HACD2: variants seen among roughly 807,000 people sequenced by gnomAD.
The protein encoded by HACD2 is very-long-chain (3R)-3-hydroxyacyl-CoA dehydratase 2.
In HACD2, 15 loss-of-function variants were observed where a neutral mutation model predicts 31.0. That is an observed-to-expected ratio of 0.48 (90% CI 0.32 to 0.75). HACD2 has a LOEUF of 0.75. Among genes scored for constraint, HACD2 ranks in the 30% least tolerant of loss-of-function variants. HACD2 has a pLI of 0.03. For missense variants in HACD2, 283 were observed against 313.0 expected (o/e 0.90, Z 0.72); for synonymous variants, 115 against 122.2 (o/e 0.94, Z 0.39).
chr3:123,539,280 C>T (rs563853307), intron 3 of HACD2, among the ~76,000 whole-genome samples: 12 of 152,064 alleles, frequency 7.9e-5, no homozygotes, highest in African/African-American at 2.2e-4. Flanking sequence ...TAATAAAAAA[C>T]ACATATGGGG....
At chr3:123,577,444 AC>A (rs2056919351) in intron 2 of HACD2, among the ~76,000 whole-genome samples, 1 of 151,836 alleles carries the variant, frequency 6.6e-6, no homozygotes, top group Non-Finnish European at 1.5e-5. Context: ...ACATGGTGAA[AC>A]CCCGTCTCTA....
rs144427430 is a variant in HACD2, at chr3:123,524,827, T to C, written c.381+3559A>G. Among the ~76,000 whole-genome samples, 36 of 152,264 alleles carry C rather than the reference T, an allele frequency of 2.4e-4. No homozygotes were observed. The East Asian group carries it at 4.8e-3, about 20-fold the overall frequency. ...AAGGGTGAGAAGGTGGCAGCTCTGA[T>C]GCAGCAGAAAGACCCTGGATTTAGA... is the stretch of plus-strand genomic sequence containing the variant. On this transcript the variant is annotated intron_variant, in intron 4 of 6. Transcript: ENST00000383657.
Position 123,491,654 on chromosome 3 carries a change from C to CA in HACD2, c.*3233_*3234insT, listed in dbSNP as rs1393461357. 1 of 152,610 alleles carries CA rather than the reference C, an allele frequency of 6.6e-6. No homozygotes were observed. Among genetic ancestry groups the CA allele is most frequent in the Non-Finnish European group, 1.5e-5 (1 of 68,030 alleles). The allele number at this position is 152,610 out of a possible 1,614,324, so 9.5% of individuals were successfully genotyped here. ...TTACTACATTATCAGGTAAAAACAG[C>CA]TTTCAAATGCATGCATAGAAAGTTA... On this transcript the variant is annotated 3_prime_UTR_variant, in exon 7 of 7. Coordinates refer to ENST00000383657, the MANE Select transcript of HACD2 (RefSeq NM_198402.5).
intron 3 of HACD2, among the ~76,000 whole-genome samples, chr3:123,563,093 C>T (rs1249051796): frequency 6.6e-6 from 1 of 152,218 alleles, no homozygotes; most frequent in Non-Finnish European, 1.5e-5. Flanking sequence ...ACTTACTGTA[C>T]TTACCAGGAT....
chr3:123,531,823 AAT>A (rs1366534717), intron 3 of HACD2, among the ~76,000 whole-genome samples: 2 of 152,156 alleles, frequency 1.3e-5, no homozygotes, highest in African/African-American at 4.8e-5. Context: ...CCTTTGAGTT[AAT>A]ATGTTTGTTT....
intron 4 of HACD2, among the ~76,000 whole-genome samples, chr3:123,515,478 T>C (rs1047965452): frequency 2.6e-5 from 4 of 152,182 alleles, no homozygotes; most frequent in African/African-American, 9.7e-5. Flanking sequence ...AAATGTGCTC[T>C]GACTCAGCTG....
intron 3 of HACD2, among the ~76,000 whole-genome samples, chr3:123,539,345 A>AG (rs1351217450): frequency 1.3e-5 from 2 of 152,080 alleles, no homozygotes; most frequent in Non-Finnish European, 2.9e-5. Context: ...CGAGGTGGGC[A>AG]GATCACTTGA....
chr3:123,508,068 G>A (rs2056001533), intron 4 of HACD2, among the ~76,000 whole-genome samples: 1 of 152,098 alleles, frequency 6.6e-6, no homozygotes, highest in South Asian at 2.1e-4. Flanking sequence ...GGGGCATTTA[G>A]GGCAAAGAGG....
intron 4 of HACD2, among the ~76,000 whole-genome samples, chr3:123,512,086 C>A (rs182021644): frequency 6.6e-6 from 1 of 152,234 alleles, no homozygotes; most frequent in Non-Finnish European, 1.5e-5. Flanking sequence ...ACCAAATAGA[C>A]CTCTTTTCTT....
intron 3 of HACD2, among the ~76,000 whole-genome samples, chr3:123,563,567 G>A (rs910858771): frequency 2.6e-5 from 4 of 152,136 alleles, no homozygotes; most frequent in Middle Eastern, 3.2e-3. Context: ...CAAGTCCTGG[G>A]CTAGGGCTTA....
intron 3 of HACD2, among the ~76,000 whole-genome samples, chr3:123,560,919 T>C (rs1404541150): frequency 1.3e-5 from 2 of 152,222 alleles, no homozygotes; most frequent in Non-Finnish European, 2.9e-5. Flanking sequence ...AGAGAGAAAT[T>C]TGGAGGAATT....
chr3:123,566,324 T>A (rs1014703781), intron 3 of HACD2, among the ~76,000 whole-genome samples: 1 of 151,958 alleles, frequency 6.6e-6, no homozygotes, highest in African/African-American at 2.4e-5. Flanking sequence ...CTCACTCGTT[T>A]CCCAGGCTAA....
chr3:123,560,327 C>A (rs2056714730), intron 3 of HACD2, among the ~76,000 whole-genome samples: 1 of 152,164 alleles, frequency 6.6e-6, no homozygotes, highest in Non-Finnish European at 1.5e-5. Context: ...ACCGTTAGAG[C>A]TCCATTGTCA....
intron 4 of HACD2, among the ~76,000 whole-genome samples, chr3:123,527,267 G>A (rs1467430540): frequency 6.6e-6 from 1 of 152,168 alleles, no homozygotes; most frequent in East Asian, 1.9e-4. Flanking sequence ...CTTATCTGAA[G>A]TTTCACTTTC....
At chr3:123,581,688 G>GT (rs1471124438) in intron 2 of HACD2, among the ~76,000 whole-genome samples, 1 of 152,164 alleles carries the variant, frequency 6.6e-6, no homozygotes. Flanking sequence ...TTTGAATTGG[G>GT]TTTTTGTCCC....
At chr3:123,556,604 G>A (rs1190670647) in intron 3 of HACD2, among the ~76,000 whole-genome samples, 1 of 152,042 alleles carries the variant, frequency 6.6e-6, no homozygotes, top group Non-Finnish European at 1.5e-5. Flanking sequence ...AGGGAAAACT[G>A]GTTAAGTTGT....
rs1018124199 is a variant in HACD2 at position 123,530,687 on chromosome 3, G to T, written c.293-2213C>A. On this transcript the variant is annotated intron_variant, in intron 3 of 6. Coordinates refer to ENST00000383657, the MANE Select transcript of HACD2 (RefSeq NM_198402.5). ...CTCCCAAAGTGCTGGGATTACAGGCGTGAGCCACTGCGCCCGGCCTGCCCA... is the reference window on the plus strand; with the variant it reads ...CTCCCAAAGTGCTGGGATTACAGGCTTGAGCCACTGCGCCCGGCCTGCCCA... Among the ~76,000 whole-genome samples, 3 of 151,956 alleles carry T rather than the reference G, an allele frequency of 2.0e-5. No individual in the cohort carries two copies. In the East Asian group the frequency reaches 5.8e-4, roughly 30 times the overall value.
chr3:123,584,055 A>T (rs2056995458), intron 1 of HACD2, among the ~76,000 whole-genome samples: 1 of 152,252 alleles, frequency 6.6e-6, no homozygotes. Context: ...CAAAATGACA[A>T]GATAAAGAAT....
chr3:123,539,765 G>A (rs1365697974), intron 3 of HACD2, among the ~76,000 whole-genome samples: 1 of 151,606 alleles, frequency 6.6e-6, no homozygotes, highest in Non-Finnish European at 1.5e-5. Flanking sequence ...AAATAATCCA[G>A]TTGTACAATT....
Sources: gnomAD v4.1 joint callset for allele counts (sites outside exome capture counted in the v4.1 genomes callset) on GRCh38, gnomAD v4.1.1 for gene constraint, MANE v1.5 for transcripts, NCBI Gene and HGNC (gene_info 2026-07-23, HGNC 2026-07-21) for gene names.